The following RALGAPA2 variants were observed in gnomAD, a reference collection of about 807,000 sequenced individuals.
RALGAPA2 encodes Ral GTPase activating protein catalytic subunit alpha 2.
Under a neutral mutation model 230.4 loss-of-function variants are expected in RALGAPA2, and 139 were observed. The ratio of observed to expected loss-of-function variants is 0.60; its 90% CI spans 0.53 to 0.69. RALGAPA2 has a LOEUF of 0.69. Among genes scored for constraint, RALGAPA2 ranks in the 30% least tolerant of loss-of-function variants. The pLI is 0.00. For synonymous variants in RALGAPA2, 847 were observed against 837.8 expected (o/e 1.01, Z -0.19); for missense variants, 2,163 against 2,276.0 (o/e 0.95, Z 1.01).
At chr20:20,587,947 G>T (rs1347980756) in intron 18 of RALGAPA2, among the ~76,000 whole-genome samples, 1 of 151,986 alleles carries the variant, frequency 6.6e-6, no homozygotes, top group African/African-American at 2.4e-5. Flanking sequence ...TTTTCACTCA[G>T]TTGACCAATA....
At chr20:20,443,216 C>A (rs2060778641) in intron 37 of RALGAPA2, among the ~76,000 whole-genome samples, 1 of 152,208 alleles carries the variant, frequency 6.6e-6, no homozygotes, top group African/African-American at 2.4e-5. Flanking sequence ...CCAGAAGGAT[C>A]TGTAAAACTA....
chr20:20,611,530 T>C (rs1455401520), intron 13 of RALGAPA2, 104 bp from the exon 14 acceptor site: 2 of 1,473,090 alleles, frequency 1.4e-6, no homozygotes, highest in Non-Finnish European at 1.8e-6. Flanking sequence ...CATTGATAAT[T>C]ATGTATTACT....
chr20:20,617,983 A>C (rs1283927304), intron 12 of RALGAPA2, among the ~76,000 whole-genome samples: 5 of 152,196 alleles, frequency 3.3e-5, no homozygotes, highest in African/African-American at 1.2e-4. Context: ...TAACGTCATC[A>C]ATAGGTTGTT....
At chr20:20,420,578 C>A (rs116704593) in intron 37 of RALGAPA2, among the ~76,000 whole-genome samples, 1 of 152,058 alleles carries the variant, frequency 6.6e-6, no homozygotes, top group African/African-American at 2.4e-5. Context: ...GAGGGCCATG[C>A]TGGGTGACAC....
At chr20:20,526,485 T>G in intron 27 of RALGAPA2, 123 bp from the exon 28 acceptor site, 1 of 638,686 alleles carries the variant, frequency 1.6e-6, no homozygotes, top group African/African-American at 1.9e-5. Flanking sequence ...TGCCTCAAAT[T>G]GATGAAAAAT....
At chr20:20,396,883 C>A in intron 38 of RALGAPA2, 149 bp from the exon 39 acceptor site, 1 of 685,008 alleles carries the variant, frequency 1.5e-6, no homozygotes, top group Non-Finnish European at 2.5e-6. Context: ...ACTGAACATT[C>A]ACTTGAAAAT....
intron 23 of RALGAPA2, among the ~76,000 whole-genome samples, chr20:20,570,749 A>G (rs1436430918): frequency 1.3e-5 from 2 of 152,160 alleles, no homozygotes; most frequent in Admixed American, 1.3e-4. Flanking sequence ...TGCAGTCCAG[A>G]ATCTCTGTGA....
chr20:20,559,127 GCTCT>G (rs1468281878), intron 23 of RALGAPA2, among the ~76,000 whole-genome samples: 1 of 152,114 alleles, frequency 6.6e-6, no homozygotes, highest in Non-Finnish European at 1.5e-5. Flanking sequence ...CAAAATGCAT[GCTCT>G]CTTAGTTTAT....
intron 35 of RALGAPA2, among the ~76,000 whole-genome samples, chr20:20,500,996 G>A (rs535101272): frequency 1.7e-4 from 26 of 152,290 alleles, no homozygotes; most frequent in Non-Finnish European, 2.4e-4. Context: ...TCAACAGTTG[G>A]CTTTAAATCT....
chr20:20,440,075 A>G (rs1288498133), intron 37 of RALGAPA2, among the ~76,000 whole-genome samples: 1 of 152,208 alleles, frequency 6.6e-6, no homozygotes, highest in Non-Finnish European at 1.5e-5. Context: ...TTTCTTTTAT[A>G]TCTCCACACG....
chr20:20,504,788 A>T (rs899564157), intron 34 of RALGAPA2, among the ~76,000 whole-genome samples: 2 of 152,112 alleles, frequency 1.3e-5, no homozygotes, highest in African/African-American at 4.8e-5. Flanking sequence ...TTTCCATTTT[A>T]ACTACTCCTA....
At chr20:20,512,242 C>CACACACAT (rs1556256092) in intron 32 of RALGAPA2, among the ~76,000 whole-genome samples, 87 of 116,490 alleles carry the variant, frequency 7.5e-4, no homozygotes, top group African/African-American at 2.6e-3. Flanking sequence ...CACACACATA[C>CACACACAT]ACACACACAC....
At chr20:20,401,980 A>G (rs2059850154) in intron 38 of RALGAPA2, among the ~76,000 whole-genome samples, 1 of 152,176 alleles carries the variant, frequency 6.6e-6, no homozygotes, top group African/African-American at 2.4e-5. Context: ...TCAGGGAGGG[A>G]CATTTTGCCA....
intron 4 of RALGAPA2, among the ~76,000 whole-genome samples, chr20:20,653,194 TCAAAAAAAAAA>T (rs2067466538): frequency 2.0e-5 from 1 of 49,124 alleles, no homozygotes; most frequent in African/African-American, 8.7e-5. Context: ...AGACTCCATC[TCAAAAAAAAAA>T]AAAAAAAAAA....
At chr20:20,619,249 G>A in intron 12 of RALGAPA2, 28 bp downstream of exon 12, 1 of 1,566,722 alleles carries the variant, frequency 6.4e-7, no homozygotes, top group Non-Finnish European at 8.7e-7. Flanking sequence ...GCGGTGGAGG[G>A]GTCTTCATGT....
intron 37 of RALGAPA2, among the ~76,000 whole-genome samples, chr20:20,440,617 G>C (rs902629046): frequency 6.6e-6 from 1 of 152,136 alleles, no homozygotes; most frequent in Non-Finnish European, 1.5e-5. Flanking sequence ...AAGAAAGCCC[G>C]CGCTCTGGTT....
chr20:20,512,272 T>C (rs2062735868), intron 32 of RALGAPA2, among the ~76,000 whole-genome samples: 1 of 143,016 alleles, frequency 7.0e-6, no homozygotes, highest in South Asian at 2.2e-4. Flanking sequence ...CACACACAAA[T>C]GTTTGATATC....
intron 1 of RALGAPA2, among the ~76,000 whole-genome samples, chr20:20,691,384 C>T (rs1216327418): frequency 6.6e-6 from 1 of 152,134 alleles, no homozygotes; most frequent in African/African-American, 2.4e-5. Context: ...CAATAAAACC[C>T]CAGTCTCAGT....
chr20:20,618,027 T>TC (rs1255710666), intron 12 of RALGAPA2, among the ~76,000 whole-genome samples: 1 of 152,028 alleles, frequency 6.6e-6, no homozygotes, highest in Non-Finnish European at 1.5e-5. Context: ...TATAAAAAAA[T>TC]TTTTTTTCTC....
Sources: gnomAD v4.1 joint callset for allele counts (sites outside exome capture counted in the v4.1 genomes callset) on GRCh38, gnomAD v4.1.1 for gene constraint, MANE v1.5 for transcripts, NCBI Gene and HGNC (gene_info 2026-07-23, HGNC 2026-07-21) for gene names.